RERE: variants seen among roughly 807,000 people sequenced by gnomAD.
RERE encodes the protein arginine-glutamic acid dipeptide repeats protein.
Under a neutral mutation model 146.1 loss-of-function variants are expected in RERE, and 40 were observed. The ratio of observed to expected loss-of-function variants is 0.27; its 90% CI spans 0.21 to 0.36. The LOEUF is 0.36. RERE is among the 10% of genes least tolerant of loss of function. The pLI is 1.00. For synonymous variants in RERE, 1,003 were observed against 866.0 expected (o/e 1.16, Z -2.78); for missense variants, 1,933 against 2,138.7 (o/e 0.90, Z 1.90).
At position 8,364,771 on chromosome 1, in the gene RERE, G is replaced by A. The variant is rs200852168; in HGVS notation, c.1515C>T (p.Tyr505=). The change falls in exon 14 of 23, where the codon TAC becomes TAT. Residue 505 remains tyrosine, a synonymous_variant. Coordinates refer to ENST00000400908, the MANE Select transcript of RERE (RefSeq NM_001042681.2). This position sits in a 1 kb window ranked among gnomAD's most constrained non-coding sequence, Gnocchi z 5.1. ...SEDSEQELKG[Y]ACRHCFTTTS... The stretch of plus-strand genomic sequence containing the variant: ...TGGTGGTGAAGCAGTGGCGGCAGGC[G>A]TACCCCTTCAGCTCCTGCTCACTGT... 78 of 1,613,828 alleles carry A rather than the reference G, an allele frequency of 4.8e-5. No homozygotes were observed. Among genetic ancestry groups the A allele is most frequent in the Middle Eastern group, 3.3e-4 (2 of 6,062 alleles).
chr1:8,483,531 A>G (rs1644861941), intron 10 of RERE, among the ~76,000 whole-genome samples: 1 of 152,256 alleles, frequency 6.6e-6, no homozygotes, highest in Non-Finnish European at 1.5e-5. Flanking sequence ...GGTTATCTGC[A>G]TATTCTGCTA....
chr1:8,521,665 T>G (rs1040817767), intron 7 of RERE, among the ~76,000 whole-genome samples: 5 of 152,184 alleles, frequency 3.3e-5, no homozygotes, highest in African/African-American at 1.2e-4. Flanking sequence ...ATTTCCAGAT[T>G]ACCCATGAGA....
chr1:8,755,549 C>T (rs1640624320), intron 1 of RERE, among the ~76,000 whole-genome samples: 1 of 152,130 alleles, frequency 6.6e-6, no homozygotes, highest in Non-Finnish European at 1.5e-5. Flanking sequence ...TTGGTTTAAG[C>T]TTCATGGACA....
chr1:8,487,376 C>A (rs1004064547), intron 10 of RERE, among the ~76,000 whole-genome samples: 1 of 151,988 alleles, frequency 6.6e-6, no homozygotes, highest in Non-Finnish European at 1.5e-5. Flanking sequence ...CCCAGGAGTT[C>A]GAGACCAGGC....
chr1:8,610,443 G>T (rs1378110380), intron 4 of RERE, among the ~76,000 whole-genome samples: 1 of 151,998 alleles, frequency 6.6e-6, no homozygotes, highest in Non-Finnish European at 1.5e-5. Context: ...ACAAAACTTA[G>T]CCAGGCATGG....
chr1:8,697,240 A>C (rs1444465756), intron 1 of RERE, among the ~76,000 whole-genome samples: 1 of 152,238 alleles, frequency 6.6e-6, no homozygotes, highest in Admixed American at 6.5e-5. Context: ...CCTACCACTC[A>C]AAAAAGAAGG....
chr1:8,791,586 T>C (rs1245850566), intron 1 of RERE, among the ~76,000 whole-genome samples: 1 of 152,240 alleles, frequency 6.6e-6, no homozygotes, highest in Admixed American at 6.5e-5. Context: ...CTAGAAAATA[T>C]GGCCTGAAAT....
At chr1:8,703,754 G>A (rs1315150780) in intron 1 of RERE, among the ~76,000 whole-genome samples, 2 of 152,190 alleles carry the variant, frequency 1.3e-5, no homozygotes, top group Non-Finnish European at 2.9e-5. Context: ...CTTCTGCCAG[G>A]AATATTAATG....
chr1:8,780,505 CA>C (rs1641144717), intron 1 of RERE, among the ~76,000 whole-genome samples: 1 of 152,142 alleles, frequency 6.6e-6, no homozygotes, highest in Non-Finnish European at 1.5e-5. Flanking sequence ...CAATAAACAG[CA>C]AGTAATTTAG....
intron 4 of RERE, among the ~76,000 whole-genome samples, chr1:8,589,438 T>A (rs1646466335): frequency 6.6e-6 from 1 of 152,124 alleles, no homozygotes; most frequent in Non-Finnish European, 1.5e-5. Flanking sequence ...AGACCCTGTC[T>A]CAAAAACAAA....
intron 12 of RERE, among the ~76,000 whole-genome samples, chr1:8,392,868 G>A (rs1389419083): frequency 6.6e-6 from 1 of 152,202 alleles, no homozygotes; most frequent in Non-Finnish European, 1.5e-5. Flanking sequence ...AAGCGATACA[G>A]AGTGCTGCAG....
chr1:8,806,273 T>C (rs1018647755), intron 1 of RERE, among the ~76,000 whole-genome samples: 8 of 152,158 alleles, frequency 5.3e-5, no homozygotes, highest in African/African-American at 1.9e-4. Flanking sequence ...CTCACACCTA[T>C]AATCCCCCAG....
At chr1:8,783,040 A>T (rs1415937489) in intron 1 of RERE, among the ~76,000 whole-genome samples, 2 of 152,190 alleles carry the variant, frequency 1.3e-5, no homozygotes, top group African/African-American at 4.8e-5. Flanking sequence ...CCCTACAGTG[A>T]AATTCATCAG....
intron 1 of RERE, among the ~76,000 whole-genome samples, chr1:8,777,770 C>T (rs990501684): frequency 1.3e-5 from 2 of 151,564 alleles, no homozygotes; most frequent in Admixed American, 6.6e-5. Flanking sequence ...CTCCTGACCT[C>T]GTGATCCACC....
chr1:8,726,147 C>CTTTTT (rs70985511), intron 1 of RERE, among the ~76,000 whole-genome samples: 1,951 of 69,358 alleles, frequency 0.028, no homozygotes, highest in Non-Finnish European at 0.033. Context: ...TTTTTCTTTT[C>CTTTTT]TTTTTTTTTT....
chr1:8,503,381 T>C (rs532600210), intron 8 of RERE, among the ~76,000 whole-genome samples: 40 of 152,338 alleles, frequency 2.6e-4, no homozygotes, highest in African/African-American at 8.7e-4. Flanking sequence ...TCTGGGGATA[T>C]AGCCCCAAGA....
chr1:8,611,575 C>G (rs1351743262), intron 4 of RERE, among the ~76,000 whole-genome samples: 1 of 152,144 alleles, frequency 6.6e-6, no homozygotes, highest in Non-Finnish European at 1.5e-5. Flanking sequence ...CAATACTGTC[C>G]TACTATGTGT....
At chr1:8,501,114 G>C (rs1246616507) in intron 8 of RERE, among the ~76,000 whole-genome samples, 5 of 146,338 alleles carry the variant, frequency 3.4e-5, no homozygotes, top group African/African-American at 7.6e-5. Flanking sequence ...GCCCCTACTG[G>C]GAAGTGAGGA....
chr1:8,766,063 AG>A (rs1200619625), intron 1 of RERE, among the ~76,000 whole-genome samples: 1 of 152,202 alleles, frequency 6.6e-6, no homozygotes, highest in Non-Finnish European at 1.5e-5. Context: ...CAGTGAGCTG[AG>A]ATTGCAACAC....
Sources: allele counts gnomAD v4.1 joint callset (sites outside exome capture counted in the v4.1 genomes callset), GRCh38; gene constraint gnomAD v4.1.1; non-coding constraint Gnocchi (gnomAD v3.1); transcripts MANE v1.5; gene names NCBI Gene and HGNC (gene_info 2026-07-23, HGNC 2026-07-21).